MTHFD2L: variants seen among roughly 807,000 people sequenced by gnomAD.
MTHFD2L encodes the protein bifunctional methylenetetrahydrofolate dehydrogenase/cyclohydrolase 2, mitochondrial.
A neutral mutation model predicts 34.9 loss-of-function variants in MTHFD2L; 29 were observed. The observed-to-expected ratio is 0.83, with a 90% CI of 0.62 to 1.13. The LOEUF (loss-of-function observed/expected upper bound fraction) is 1.13. Among genes scored for constraint, MTHFD2L ranks in the 50% most tolerant of loss-of-function variants. The pLI, the probability that MTHFD2L is intolerant of heterozygous loss-of-function variation, is 0.00. For synonymous variants in MTHFD2L, 167 were observed against 155.7 expected (o/e 1.07, Z -0.54); for missense variants, 481 against 446.5 (o/e 1.08, Z -0.70).
intron 1 of MTHFD2L, among the ~76,000 whole-genome samples, chr4:74,129,038 TG>T (rs1722279027): frequency 6.6e-6 from 1 of 152,138 alleles, no homozygotes; most frequent in Non-Finnish European, 1.5e-5. Context: ...TTTAATTCAT[TG>T]TTTTTTTATT....
chr4:74,252,817 C>T (rs973209188), intron 6 of MTHFD2L, among the ~76,000 whole-genome samples: 1 of 151,996 alleles, frequency 6.6e-6, no homozygotes, highest in African/African-American at 2.4e-5. Context: ...TGAATATAGA[C>T]ATAACATTTT....
At position 74,145,500 on chromosome 4, in the gene MTHFD2L, A is replaced by G. The variant is rs576001470; in HGVS notation, c.-296-14555A>G. 1.1e-3 allele frequency among the ~76,000 whole-genome samples: 160 copies of G among 152,284 alleles called. 1 individual carries two copies. The highest frequency in any genetic ancestry group is 5.6e-3 in the South Asian group (27 of 4,824). ...TACCAAGGGATGGCTACACTTTCCA[A>G]TTAGGAAACTCTATTTATTAGAGAC... On this transcript the variant is annotated intron_variant, in intron 1 of 7. Coordinates refer to the MTHFD2L transcript ENST00000433372.
At position 74,201,331 on chromosome 4, in the gene MTHFD2L, A is replaced by G. The variant is rs1277339845; in HGVS notation, c.673A>G (p.Met225Val). The G allele has an allele frequency of 1.9e-6, 3 of 1,613,892 alleles. No homozygotes were observed. The highest frequency in any genetic ancestry group is 2.2e-5 in the East Asian group (1 of 44,850). ...CAAGAACGTAGGGATGCCTATTGCC[A>G]TGCTTTTACACACTGATGGAGAGCA... is the stretch of plus-strand genomic sequence containing the variant. Reference protein sequence around the residue: ...RSKNVGMPIAMLLHTDGEHER... With the variant: ...RSKNVGMPIAVLLHTDGEHER... Residue 225 changes from methionine (M) to valine (V), a missense_variant, in exon 5 of 8, where the codon ATG becomes GTG. Met to Val is a conservative substitution (Grantham distance 21, BLOSUM62 1). Transcript: ENST00000325278.
At chr4:74,173,186 A>G (rs10938111) in intron 1 of MTHFD2L, among the ~76,000 whole-genome samples, 119,618 of 152,086 alleles carry the variant, frequency 0.79, 51,988 homozygotes, top group Non-Finnish European at 0.96. Flanking sequence ...ACCACCTTCT[A>G]CTTTATCAGA....
chr4:74,182,840 T>A (rs547246690), intron 3 of MTHFD2L: 1 of 152,344 alleles, frequency 6.6e-6, no homozygotes, highest in Admixed American at 6.5e-5. Context: ...CACTTCTGTT[T>A]CTGTTGCATT....
intron 1 of MTHFD2L, among the ~76,000 whole-genome samples, chr4:74,138,399 A>G (rs1723081145): frequency 2.0e-5 from 3 of 152,028 alleles, no homozygotes; most frequent in Admixed American, 2.0e-4. Flanking sequence ...TTGTCCTCTG[A>G]CCTGGGGTTC....
intron 1 of MTHFD2L, among the ~76,000 whole-genome samples, chr4:74,168,211 A>G (rs1456404516): frequency 1.3e-5 from 2 of 152,228 alleles, no homozygotes; most frequent in Non-Finnish European, 2.9e-5. Context: ...GCAGGGCCTT[A>G]TATAATCTGA....
At chr4:74,167,601 T>G (rs926147468) in intron 1 of MTHFD2L, among the ~76,000 whole-genome samples, 2 of 152,170 alleles carry the variant, frequency 1.3e-5, no homozygotes, top group Admixed American at 1.3e-4. Flanking sequence ...GAGTGTTTTA[T>G]AAGCTGAGAC....
chr4:74,293,557 A>G (rs1749270573), intron 7 of MTHFD2L: 2 of 976,520 alleles, frequency 2.0e-6, no homozygotes, highest in Non-Finnish European at 2.4e-6. Flanking sequence ...CAGCAACCAG[A>G]TGAATGTAAG....
chr4:74,151,697 C>A (rs1232347110), intron 1 of MTHFD2L, among the ~76,000 whole-genome samples: 1 of 152,116 alleles, frequency 6.6e-6, no homozygotes, highest in East Asian at 1.9e-4. Context: ...CCCCATTTGA[C>A]TAAAAAACTG....
intron 6 of MTHFD2L, among the ~76,000 whole-genome samples, chr4:74,244,278 C>T (rs968811649): frequency 5.3e-5 from 8 of 152,144 alleles, no homozygotes; most frequent in African/African-American, 1.7e-4. Context: ...AGTGGGTAGT[C>T]TTCACTTGGG....
chr4:74,265,502 A>G (rs1745181664), intron 6 of MTHFD2L, among the ~76,000 whole-genome samples: 1 of 152,180 alleles, frequency 6.6e-6, no homozygotes, highest in South Asian at 2.1e-4. Flanking sequence ...TGTGCTACAC[A>G]CTTTATATAC....
chr4:74,209,599 G>C (rs965253508), intron 5 of MTHFD2L, among the ~76,000 whole-genome samples: 7 of 152,156 alleles, frequency 4.6e-5, no homozygotes, highest in African/African-American at 1.7e-4. Flanking sequence ...TATTATTGAT[G>C]GGCATTTGGG....
intron 1 of MTHFD2L, 110 bp from the exon 2 acceptor site, chr4:74,174,396 T>C: frequency 6.1e-6 from 5 of 822,366 alleles, no homozygotes; most frequent in Non-Finnish European, 8.4e-6. Flanking sequence ...AAAAATCAAA[T>C]TTTGGGTGCT....
upstream of MTHFD2L, among the ~76,000 whole-genome samples, chr4:74,155,817 T>C (rs985349831): frequency 1.3e-5 from 2 of 151,886 alleles, no homozygotes; most frequent in African/African-American, 4.8e-5. Flanking sequence ...CACAAATAAT[T>C]TTCAGGATGA....
chr4:74,264,186 A>G (rs899776133), intron 6 of MTHFD2L, among the ~76,000 whole-genome samples: 2 of 152,186 alleles, frequency 1.3e-5, no homozygotes, highest in South Asian at 4.1e-4. Flanking sequence ...TCAGCATTGT[A>G]TTGGCAGTCC....
chr4:74,161,138 G>A (rs1725365640), intron 1 of MTHFD2L: 1 of 151,980 alleles, frequency 6.6e-6, no homozygotes. Context: ...CACTGGCATC[G>A]GCTGTATAAT....
intron 6 of MTHFD2L, among the ~76,000 whole-genome samples, chr4:74,263,810 T>G (rs1744974338): frequency 6.6e-6 from 1 of 151,940 alleles, no homozygotes; most frequent in Non-Finnish European, 1.5e-5. Flanking sequence ...ATGCCTTTAT[T>G]TCTTTCTCTT....
At chr4:74,155,990 T>C (rs1435385348), upstream of MTHFD2L, among the ~76,000 whole-genome samples, 1 of 151,778 alleles carries the variant, frequency 6.6e-6, no homozygotes, top group Non-Finnish European at 1.5e-5. Context: ...CAAACAAAAT[T>C]TAATATCTTA....
Sources: gnomAD v4.1 joint callset for allele counts (sites outside exome capture counted in the v4.1 genomes callset) on GRCh38, gnomAD v4.1.1 for gene constraint, MANE v1.5 for transcripts, NCBI Gene and HGNC (gene_info 2026-07-23, HGNC 2026-07-21) for gene names.